Variants in IGF2R observed in about 807,000 individuals in gnomAD.
IGF2R encodes the protein insulin like growth factor 2 receptor, also known as cation-independent mannose-6-phosphate receptor.
IGF2R carries 91 observed loss-of-function variants against 270.6 expected under a neutral mutation model. The ratio of observed to expected loss-of-function variants is 0.34; its 90% CI spans 0.28 to 0.40. The LOEUF is 0.40. IGF2R is among the 10% of genes least tolerant of loss of function. The pLI, the probability that IGF2R is intolerant of heterozygous loss-of-function variation, is 1.00. For missense variants in IGF2R, 2,805 were observed against 3,188.3 expected (o/e 0.88, Z 2.90); for synonymous variants, 1,316 against 1,258.9 (o/e 1.05, Z -0.96).
At chr6:160,077,199 G>A (rs867413964) in intron 36 of IGF2R, among the ~76,000 whole-genome samples, 3 of 152,324 alleles carry the variant, frequency 2.0e-5, no homozygotes, top group African/African-American at 4.8e-5. Flanking sequence ...AGTTAGTAAG[G>A]AAAGGCAGAG....
At chr6:160,037,161 A>G (rs910019304) in intron 10 of IGF2R, among the ~76,000 whole-genome samples, 5 of 152,148 alleles carry the variant, frequency 3.3e-5, no homozygotes, top group African/African-American at 9.7e-5. Context: ...GTACTTAACA[A>G]AATTAACAGT....
At chr6:160,089,417 CT>C (rs1462368756) in intron 43 of IGF2R, among the ~76,000 whole-genome samples, 164 bp downstream of exon 43, 1 of 152,104 alleles carries the variant, frequency 6.6e-6, no homozygotes, top group Non-Finnish European at 1.5e-5. Flanking sequence ...AAAAGCGTTA[CT>C]CAATCATTAA....
intron 1 of IGF2R, among the ~76,000 whole-genome samples, chr6:159,974,567 C>T (rs1009295200): frequency 6.6e-6 from 1 of 152,228 alleles, no homozygotes; most frequent in African/African-American, 2.4e-5. Context: ...ATGGTTTGTG[C>T]TTTTGGTAGC....
intron 36 of IGF2R, 113 bp from the exon 37 acceptor site, chr6:160,078,088 C>T: frequency 8.1e-6 from 8 of 993,296 alleles, no homozygotes; most frequent in Non-Finnish European, 9.2e-6. Context: ...AGCATCCCTT[C>T]CCTCTGAGAG....
chr6:159,991,468 T>G, intron 2 of IGF2R, 145 bp downstream of exon 2: 1 of 673,884 alleles, frequency 1.5e-6, no homozygotes, highest in South Asian at 2.3e-5. Flanking sequence ...TAATACACAT[T>G]TGTTAGTAGT....
chr6:160,090,278 G>C, intron 44 of IGF2R, 175 bp downstream of exon 44: 2 of 441,436 alleles, frequency 4.5e-6, no homozygotes, highest in Non-Finnish European at 7.9e-6. Flanking sequence ...ATACGTGTCA[G>C]AACTAAGCAT....
At chr6:160,091,507 A>G (rs373754617) in intron 44 of IGF2R, among the ~76,000 whole-genome samples, 19 of 152,240 alleles carry the variant, frequency 1.2e-4, no homozygotes, top group African/African-American at 3.9e-4. Context: ...GCCCTGGTGC[A>G]TCTGCTCATA....
intron 44 of IGF2R, chr6:160,093,974 T>C (rs1411436053): frequency 1.5e-5 from 10 of 677,826 alleles, no homozygotes; most frequent in Admixed American, 1.3e-4. Flanking sequence ...GAACAGAAAA[T>C]GAGCATCTGA....
At position 160,058,016 on chromosome 6, in the gene IGF2R, C is replaced by T; in HGVS notation, c.2797-7C>T. On this transcript the variant is annotated splice_region_variant and splice_polypyrimidine_tract_variant and intron_variant, in intron 20 of 47. Coordinates refer to ENST00000356956, the MANE Select transcript of IGF2R (RefSeq NM_000876.4). The stretch of plus-strand genomic sequence containing the variant: ...GCGCCCCTTTTTCCCCATTTTGTTT[C>T]CTGTAGGCTTGCTCTATAAGGGATC... 1.3e-6 allele frequency: 2 copies of T among 1,596,776 alleles called. No individual in the cohort carries two copies. Among genetic ancestry groups the T allele is most frequent in the Non-Finnish European group, 1.7e-6 (2 of 1,164,866 alleles).
chr6:159,977,629 G>A (rs1011294550), intron 1 of IGF2R, among the ~76,000 whole-genome samples: 1 of 152,202 alleles, frequency 6.6e-6, no homozygotes, highest in Admixed American at 6.5e-5. Flanking sequence ...CTCCTCAAGA[G>A]GGGTGGGACT....
At chr6:160,034,295 C>T (rs756590240) in intron 9 of IGF2R, 124 bp from the exon 10 acceptor site, 3 of 579,110 alleles carry the variant, frequency 5.2e-6, no homozygotes, top group Non-Finnish European at 3.2e-6. Context: ...AGAGAGCTTG[C>T]TGTTTTAGAT....
intron 44 of IGF2R, chr6:160,093,161 G>T (rs1364942249): frequency 1.9e-4 from 30 of 161,574 alleles, no homozygotes; most frequent in Admixed American, 1.8e-3. Flanking sequence ...TGTGTTCCCA[G>T]CACCCACGTG....
intron 41 of IGF2R, among the ~76,000 whole-genome samples, chr6:160,085,479 T>C (rs2297364): frequency 0.031 from 4,678 of 152,324 alleles, 92 homozygotes; most frequent in South Asian, 0.062. Context: ...CACGTGTTTG[T>C]TTAGGAAAGC....
intron 11 of IGF2R, among the ~76,000 whole-genome samples, chr6:160,042,828 T>C (rs1485559076): frequency 2.0e-5 from 3 of 152,334 alleles, no homozygotes; most frequent in African/African-American, 7.2e-5. Context: ...GCTTCTTGAT[T>C]TGGGTTTTCA....
chr6:159,980,313 A>G (rs1783779950), intron 1 of IGF2R, among the ~76,000 whole-genome samples: 1 of 152,136 alleles, frequency 6.6e-6, no homozygotes, highest in Admixed American at 6.5e-5. Context: ...GCAGTTGAGC[A>G]TGGTAGCTGC....
At chr6:160,074,200 C>T (rs751426151) in intron 35 of IGF2R, 22 of 561,466 alleles carry the variant, frequency 3.9e-5, no homozygotes, top group Middle Eastern at 9.5e-4. Flanking sequence ...TGGGAGGTAA[C>T]ACGAATATGT....
Position 160,050,473 on chromosome 6 carries a change from G to T in IGF2R, c.2515G>T (p.Gly839Cys), listed in dbSNP as rs765219202. ...CCTAACAAGACTGGTTTTCTTGCAG[G>T]GCTCCTTCACTGAAGTGGTTTCCAT... ...ACQMKYEKDQ[G>C]SFTEVVSISN... The change falls in exon 19 of 48, where the codon GGC becomes TGC. Residue 839 changes from glycine to cysteine, a missense_variant and splice_region_variant. Physicochemically the swap from Gly to Cys is radical, Grantham distance 159. Around this residue, in one of 2 missense-constraint regions of IGF2R, gnomAD observed 1,851 missense variants for 2,207.2 expected, o/e 0.84. Coordinates refer to ENST00000356956, the MANE Select transcript of IGF2R (RefSeq NM_000876.4). The surrounding 1 kb of genome is among the most constrained non-coding windows in gnomAD (Gnocchi z 4.0). 3 of 1,604,918 alleles carry T rather than the reference G, an allele frequency of 1.9e-6. No individual in the cohort carries two copies. Among genetic ancestry groups the T allele is most frequent in the African/African-American group, 1.3e-5 (1 of 74,752 alleles).
At chr6:159,993,602 A>T (rs1034567907) in intron 2 of IGF2R, among the ~76,000 whole-genome samples, 7 of 152,198 alleles carry the variant, frequency 4.6e-5, no homozygotes, top group Non-Finnish European at 8.8e-5. Context: ...TATCAGTACC[A>T]TGCTGTTTGA....
chr6:160,089,039 A>G lies in IGF2R; in HGVS notation c.6321-68A>G, dbSNP rs1779157447. 17 of 1,531,856 alleles carry G rather than the reference A, an allele frequency of 1.1e-5. No homozygotes were observed. The South Asian group carries it at 1.3e-4, about 12-fold the overall frequency. 94.9% of individuals were successfully genotyped at this position (1,531,856 alleles called of 1,614,324 possible). Reference sequence around the variant, plus strand: ...CTGCTTCAAGGGCTCCGCAGTGTTCATTGTTTTGCAGTCTTCCCTTATGTC... The same window carrying G: ...CTGCTTCAAGGGCTCCGCAGTGTTCGTTGTTTTGCAGTCTTCCCTTATGTC... On this transcript the variant is annotated intron_variant, in intron 42 of 47. Coordinates refer to ENST00000356956, the MANE Select transcript of IGF2R (RefSeq NM_000876.4).
Sources: gnomAD v4.1 joint callset for allele counts (sites outside exome capture counted in the v4.1 genomes callset) on GRCh38, gnomAD v4.1.1 for gene constraint, gnomAD v4.1.1 regional missense constraint, Gnocchi (gnomAD v3.1) non-coding constraint, MANE v1.5 for transcripts, NCBI Gene and HGNC (gene_info 2026-07-23, HGNC 2026-07-21) for gene names.